Variants in EHBP1 observed in about 807,000 individuals in gnomAD.
The protein encoded by EHBP1 is EH domain-binding protein 1.
EHBP1 carries 55 observed loss-of-function variants against 144.0 expected under a neutral mutation model. The observed-to-expected ratio is 0.38, with a 90% CI of 0.31 to 0.48. The LOEUF (loss-of-function observed/expected upper bound fraction) is 0.48, where lower values mean the gene tolerates loss of function less well. Among genes scored for constraint, EHBP1 ranks in the 20% least tolerant of loss-of-function variants. The pLI, the probability that EHBP1 is intolerant of heterozygous loss-of-function variation, is 0.98. For synonymous variants in EHBP1, 469 were observed against 472.7 expected, an observed-to-expected ratio of 0.99 and a Z score of 0.10; for missense variants, 1,200 against 1,364.2, an observed-to-expected ratio of 0.88 and a Z score of 1.90.
intron 7 of EHBP1, 103 bp from the exon 8 acceptor site, chr2:62,859,066 G>T: frequency 9.1e-7 from 1 of 1,099,720 alleles, no homozygotes; most frequent in South Asian, 1.9e-5. Flanking sequence ...ACTATTATTT[G>T]CAGGTATTAT....
chr2:62,875,012 A>G (rs979867610), intron 10 of EHBP1, among the ~76,000 whole-genome samples: 1 of 151,016 alleles, frequency 6.6e-6, no homozygotes, highest in Non-Finnish European at 1.5e-5. Flanking sequence ...ACATGTGTGC[A>G]CCCTGCCACC....
At chr2:63,005,428 C>A (rs1434126849) in intron 19 of EHBP1, among the ~76,000 whole-genome samples, 1 of 152,070 alleles carries the variant, frequency 6.6e-6, no homozygotes, top group Non-Finnish European at 1.5e-5. Context: ...TGTTACCTTC[C>A]TGCCTGGGAA....
chr2:63,040,202 C>T (rs1400047813), intron 21 of EHBP1, among the ~76,000 whole-genome samples: 3 of 150,502 alleles, frequency 2.0e-5, no homozygotes, highest in Non-Finnish European at 4.4e-5. Flanking sequence ...ATACATATAA[C>T]TCATCATACA....
chr2:62,915,024 A>G (rs1390282024), intron 10 of EHBP1, among the ~76,000 whole-genome samples: 2 of 152,030 alleles, frequency 1.3e-5, no homozygotes, highest in Non-Finnish European at 2.9e-5. Flanking sequence ...TATATGTAAA[A>G]TGTTTCTCTT....
At chr2:62,869,370 TAAC>T (rs1427590757) in intron 9 of EHBP1, among the ~76,000 whole-genome samples, 1 of 152,124 alleles carries the variant, frequency 6.6e-6, no homozygotes, top group Non-Finnish European at 1.5e-5. Context: ...TTGATTATAA[TAAC>T]AAAATGGGAA....
At chr2:62,745,918 C>T (rs10181604) in intron 2 of EHBP1, among the ~76,000 whole-genome samples, 1 of 151,960 alleles carries the variant, frequency 6.6e-6, no homozygotes, top group East Asian at 1.9e-4. Context: ...GTGGTACCTT[C>T]AATTTAAGAG....
At chr2:62,727,123 A>C (rs2036887452) in intron 2 of EHBP1, among the ~76,000 whole-genome samples, 3 of 152,202 alleles carry the variant, frequency 2.0e-5, no homozygotes, top group Admixed American at 1.3e-4. Context: ...GGCCTCCCAA[A>C]GTGCTGGGAT....
At chr2:62,692,785 G>A (rs908702869) in intron 1 of EHBP1, among the ~76,000 whole-genome samples, 5 of 151,012 alleles carry the variant, frequency 3.3e-5, no homozygotes, top group Non-Finnish European at 5.9e-5. Context: ...ATATTTATGG[G>A]GTACCTGAGA....
intron 10 of EHBP1, among the ~76,000 whole-genome samples, chr2:62,887,754 G>A (rs2052064134): frequency 6.6e-6 from 1 of 152,080 alleles, no homozygotes; most frequent in East Asian, 1.9e-4. Flanking sequence ...TACCTAGCTA[G>A]CTAGCTAGAT....
chr2:62,884,484 G>C (rs886148641), intron 10 of EHBP1, among the ~76,000 whole-genome samples: 1 of 152,188 alleles, frequency 6.6e-6, no homozygotes, highest in Non-Finnish European at 1.5e-5. Context: ...CTGGGGACCA[G>C]GTATGGACGC....
rs144061968 is a variant in EHBP1 at position 62,721,825 on chromosome 2, A to G, written c.104+14530A>G. The stretch of plus-strand genomic sequence containing the variant: ...ATTTATAAAATAACCTTTTGATATC[A>G]TTACTGCCTTTTGTACAGAGGTTCT... On this transcript the variant is annotated intron_variant, in intron 2 of 22. Transcript: ENST00000431489. 8.1e-4 allele frequency among the ~76,000 whole-genome samples: 124 copies of G among 152,238 alleles called. 2 individuals carry two copies. The East Asian group carries it at 0.015, about 19-fold the overall frequency.
intron 1 of EHBP1, among the ~76,000 whole-genome samples, chr2:62,685,825 C>T (rs534800045): frequency 6.6e-6 from 1 of 152,262 alleles, no homozygotes; most frequent in Admixed American, 6.5e-5. Flanking sequence ...TTCCCTTCTT[C>T]TCATCACTGA....
chr2:63,013,786 C>T (rs1487284855), intron 19 of EHBP1, among the ~76,000 whole-genome samples: 6 of 152,158 alleles, frequency 3.9e-5, no homozygotes, highest in Admixed American at 1.3e-4. Flanking sequence ...TGAATATTCT[C>T]AACTTAAAAG....
intron 7 of EHBP1, among the ~76,000 whole-genome samples, chr2:62,831,757 G>T (rs577372658): frequency 2.6e-5 from 4 of 152,288 alleles, no homozygotes; most frequent in African/African-American, 9.6e-5. Context: ...TATTATTGCT[G>T]TGAAAATTAA....
intron 1 of EHBP1, among the ~76,000 whole-genome samples, chr2:62,691,567 T>C (rs763537468): frequency 2.6e-5 from 4 of 152,260 alleles, no homozygotes; most frequent in East Asian, 1.9e-4. Context: ...GGAGAATGGG[T>C]ATTGACAGGC....
intron 14 of EHBP1, among the ~76,000 whole-genome samples, chr2:62,965,190 C>G (rs2058189556): frequency 6.6e-6 from 1 of 151,958 alleles, no homozygotes; most frequent in African/African-American, 2.4e-5. Flanking sequence ...AAAAATGAGC[C>G]CTTTGAAACA....
intron 4 of EHBP1, among the ~76,000 whole-genome samples, chr2:62,769,113 C>T (rs2041424578): frequency 1.3e-5 from 2 of 152,162 alleles, no homozygotes; most frequent in South Asian, 4.1e-4. Flanking sequence ...CAAGGATGCC[C>T]TTTCTCACCA....
chr2:62,841,707 CTT>C (rs572397835), intron 7 of EHBP1, among the ~76,000 whole-genome samples: 5 of 152,136 alleles, frequency 3.3e-5, no homozygotes, highest in Admixed American at 3.3e-4. Context: ...AATGTGATAT[CTT>C]TCCCATCTTT....
Position 62,826,209 on chromosome 2 carries a change from T to G in EHBP1, c.435T>G (p.Val145=). 1 of 1,611,270 alleles carries G rather than the reference T, an allele frequency of 6.2e-7. No homozygotes were observed. Among genetic ancestry groups the G allele is most frequent in the Non-Finnish European group, 8.5e-7 (1 of 1,178,876 alleles). The change falls in exon 6 of 23, where the codon GTT becomes GTG. Residue 145 remains valine (V), a synonymous_variant. Transcript: ENST00000431489. Reference sequence around the variant, plus strand: ...AATTCAAGCCATTATCTAAAAAAGTTGTATCTGCCGCTCTTCAGTTTTCAT... The same window carrying G: ...AATTCAAGCCATTATCTAAAAAAGTGGTATCTGCCGCTCTTCAGTTTTCAT... ...KLKFKPLSKK[V]VSAALQFSLS...
Sources: allele counts gnomAD v4.1 joint callset (sites outside exome capture counted in the v4.1 genomes callset), GRCh38; gene constraint gnomAD v4.1.1; transcripts MANE v1.5; gene names NCBI Gene and HGNC (gene_info 2026-07-23, HGNC 2026-07-21).